The following ZNF676 variants were observed in gnomAD, a reference collection of about 807,000 sequenced individuals.
ZNF676 encodes the protein zinc finger protein 676.
In ZNF676, 4 loss-of-function variants were observed where a neutral mutation model predicts 6.0. That is an observed-to-expected ratio of 0.67 (90% CI 0.33 to 1.53). The LOEUF (loss-of-function observed/expected upper bound fraction) is 1.53. ZNF676 is among the 40% of genes most tolerant of loss of function. The probability of loss-of-function intolerance (pLI) is 0.06; values close to 1 mark genes in which losing one functional copy is unlikely to be tolerated. For synonymous variants in ZNF676, 198 were observed against 223.1 expected, an observed-to-expected ratio of 0.89 and a Z score of 1.00; for missense variants, 644 against 679.7, an observed-to-expected ratio of 0.95 and a Z score of 0.58.
At chr19:22,224,621 C>G in the ZNF676 span, among the ~76,000 whole-genome samples, 3 of 152,032 alleles carry the variant, frequency 2.0e-5, no homozygotes, top group Non-Finnish European at 4.4e-5. Context: ...ATTTATAATT[C>G]TTCATTTAGT....
rs2144773901 is a variant in ZNF676, at chr19:22,196,714, A to G, written c.-81T>C. 6.2e-7 allele frequency: 1 copy of G among 1,607,932 alleles called. No individual in the cohort carries two copies. On this transcript the variant is annotated 5_prime_UTR_variant, in exon 1 of 3. Transcript: ENST00000397121. Reference sequence around the variant, plus strand: ...GAGAATTCTATGGCCACATCCCTAAATGTCAATGCTCCCTGGAAAACACAC... The same window carrying G: ...GAGAATTCTATGGCCACATCCCTAAGTGTCAATGCTCCCTGGAAAACACAC...
chr19:22,208,982 T>C (rs2024103156), intron 1 of ZNF676, among the ~76,000 whole-genome samples: 1 of 151,810 alleles, frequency 6.6e-6, no homozygotes, highest in Non-Finnish European at 1.5e-5. Context: ...AAACAAAATA[T>C]GGGCCGGGTG....
chr19:22,183,465 G>A (rs1254556711), intron 2 of ZNF676, among the ~76,000 whole-genome samples: 1 of 152,084 alleles, frequency 6.6e-6, no homozygotes. Flanking sequence ...ACACTCCCGA[G>A]TAGCTGGGAT....
rs528614278 is a variant in ZNF676 at position 22,182,904 on chromosome 19, C to T, written c.131-1318G>A. On this transcript the variant is annotated intron_variant, in intron 2 of 2. Transcript: ENST00000397121. ...GGTGCAGAAAACATTTTTAATTATTCTCTAACATTTGAGAGATAAAAGCAC... is the reference window on the plus strand; with the variant it reads ...GGTGCAGAAAACATTTTTAATTATTTTCTAACATTTGAGAGATAAAAGCAC... Among the ~76,000 whole-genome samples, 126 of 151,926 alleles carry T rather than the reference C, an allele frequency of 8.3e-4. 1 individual carries two copies. The highest frequency in any genetic ancestry group is 2.8e-3 in the African/African-American group (116 of 41,456).
At chr19:22,235,891 G>A in the ZNF676 span, among the ~76,000 whole-genome samples, 18 of 151,204 alleles carry the variant, frequency 1.2e-4, no homozygotes, top group African/African-American at 4.4e-4. Context: ...CTAAGTCAAT[G>A]TCTGCATACC....
At chr19:22,223,514 C>CTT in the ZNF676 span, among the ~76,000 whole-genome samples, 7 of 142,878 alleles carry the variant, frequency 4.9e-5, no homozygotes, top group African/African-American at 1.5e-4. Context: ...AATAGGTCAC[C>CTT]TTTTTTTTTT....
chr19:22,193,444 G>T (rs8105545), intron 1 of ZNF676, among the ~76,000 whole-genome samples: 65,145 of 151,874 alleles, frequency 0.43, 14,939 homozygotes, highest in African/African-American at 0.59. Flanking sequence ...GGTCTTAAAG[G>T]AGACCCTTCT....
In ZNF676 at chr19:22,196,693, A is replaced by G; in HGVS notation, c.-60T>C. The G allele has an allele frequency of 1.2e-6, 2 of 1,611,212 alleles. No individual in the cohort carries two copies. Among genetic ancestry groups the G allele is most frequent in the Non-Finnish European group, 1.7e-6 (2 of 1,177,474 alleles). ...AGGCATTGCCACTCCTCCAGAGAGAATTCTATGGCCACATCCCTAAATGTC... is the reference window on the plus strand; with the variant it reads ...AGGCATTGCCACTCCTCCAGAGAGAGTTCTATGGCCACATCCCTAAATGTC... On this transcript the variant is annotated 5_prime_UTR_variant, in exon 1 of 3. Coordinates refer to ENST00000397121, the MANE Select transcript of ZNF676 (RefSeq NM_001001411.3).
chr19:22,236,803 T>C, the ZNF676 span, among the ~76,000 whole-genome samples: 1,290 of 152,256 alleles, frequency 8.5e-3, 1 homozygote, highest in African/African-American at 0.029. Flanking sequence ...ATCACTGTGA[T>C]GAATCAGCCA....
At chr19:22,253,908 G>T in the ZNF676 span, among the ~76,000 whole-genome samples, 1 of 152,118 alleles carries the variant, frequency 6.6e-6, no homozygotes, top group Non-Finnish European at 1.5e-5. Context: ...AAAAATAGTA[G>T]TCTTTTATGA....
the ZNF676 span, among the ~76,000 whole-genome samples, chr19:22,247,082 A>G: frequency 2.6e-5 from 4 of 152,232 alleles, no homozygotes; most frequent in African/African-American, 4.8e-5. Context: ...ACCAAAGGAA[A>G]TAAACTGCAG....
At chr19:22,238,726 G>T in the ZNF676 span, among the ~76,000 whole-genome samples, 2 of 152,256 alleles carry the variant, frequency 1.3e-5, no homozygotes, top group East Asian at 3.9e-4. Flanking sequence ...GCCATCTGTA[G>T]GCTGAGAATC....
Position 22,205,068 on chromosome 19 carries a change from GCA to G in ZNF676, c.4-8344_4-8343del, listed in dbSNP as rs567539543. 4.6e-5 allele frequency among the ~76,000 whole-genome samples: 7 copies of G among 152,190 alleles called. No homozygotes were observed. The South Asian group carries it at 1.4e-3, about 32-fold the overall frequency. ...TTGAACTCTTGGACATCTGAATTTT[GCA>G]CACTGTGTGCACTTAAAAGAATGTT... is the stretch of plus-strand genomic sequence containing the variant. On this transcript the variant is annotated intron_variant, in intron 1 of 3. Transcript: ENST00000650058.
intron 2 of ZNF676, among the ~76,000 whole-genome samples, chr19:22,186,435 A>C (rs1459484408): frequency 6.6e-6 from 1 of 152,228 alleles, no homozygotes; most frequent in Non-Finnish European, 1.5e-5. Context: ...AACATACCAA[A>C]TTGTAAAGAC....
At chr19:22,219,131 C>T (rs1195337213), upstream of ZNF676, among the ~76,000 whole-genome samples, 1 of 148,906 alleles carries the variant, frequency 6.7e-6, no homozygotes. Flanking sequence ...CAAGGTCTTA[C>T]TCTGTCACCC....
chr19:22,249,762 GT>G, the ZNF676 span, among the ~76,000 whole-genome samples: 142,711 of 148,830 alleles, frequency 0.96, 68,552 homozygotes, highest in South Asian at 0.99. Context: ...AGTACAACGG[GT>G]TTTTTTTTTT....
chr19:22,249,653 C>A, the ZNF676 span, among the ~76,000 whole-genome samples: 1 of 151,986 alleles, frequency 6.6e-6, no homozygotes, highest in Non-Finnish European at 1.5e-5. Flanking sequence ...CTCAGGTGAT[C>A]CATCAGCCTT....
At chr19:22,257,050 C>T in the ZNF676 span, among the ~76,000 whole-genome samples, 21 of 152,164 alleles carry the variant, frequency 1.4e-4, no homozygotes, top group African/African-American at 4.8e-4. Context: ...GTCACAATAA[C>T]TCCTGAGGGA....
the ZNF676 span, among the ~76,000 whole-genome samples, chr19:22,228,538 T>A: frequency 6.6e-6 from 1 of 152,122 alleles, no homozygotes; most frequent in East Asian, 1.9e-4. Context: ...TAATGAGTAT[T>A]CAAATAGGAA....
Sources: allele counts gnomAD v4.1 joint callset (sites outside exome capture counted in the v4.1 genomes callset), GRCh38; gene constraint gnomAD v4.1.1; transcripts MANE v1.5; gene names NCBI Gene and HGNC (gene_info 2026-07-23, HGNC 2026-07-21).